The following DLGAP2 variants were observed in gnomAD, a reference collection of about 807,000 sequenced individuals.
The protein encoded by DLGAP2 is DLG associated protein 2.
In DLGAP2, 26 loss-of-function variants were observed where a neutral mutation model predicts 100.3. That is an observed-to-expected ratio of 0.26 (90% CI 0.19 to 0.36). The LOEUF (loss-of-function observed/expected upper bound fraction) is 0.36, where lower values mean the gene tolerates loss of function less well. DLGAP2 is among the 10% of genes least tolerant of loss of function. The pLI is 1.00. For missense variants in DLGAP2, 1,858 were observed against 1,453.2 expected (o/e 1.28, Z -4.53); for synonymous variants, 886 against 630.1 (o/e 1.41, Z -6.08).
intron 3 of DLGAP2, among the ~76,000 whole-genome samples, chr8:1,498,278 G>C (rs968212607): frequency 1.3e-5 from 2 of 152,036 alleles, no homozygotes; most frequent in African/African-American, 4.8e-5. Context: ...TTTCTTATCA[G>C]AGTCAATTCT....
intron 3 of DLGAP2, among the ~76,000 whole-genome samples, chr8:1,460,188 A>AAT (rs1798433884): frequency 6.6e-6 from 1 of 152,160 alleles, no homozygotes; most frequent in Non-Finnish European, 1.5e-5. Context: ...TAAGCCTAAG[A>AAT]ATTGAGCCTG....
rs115064025 is a variant in DLGAP2, at chr8:1,374,694, A to G, written c.106+115811A>G. On this transcript the variant is annotated intron_variant, in intron 3 of 14. Transcript: ENST00000637795. ...AGTCGTTTGGATTCTGTAATTATTC[A>G]TCCTTTTTGACTTTGTTTTACTTTG... is the stretch of plus-strand genomic sequence containing the variant. Among the ~76,000 whole-genome samples the G allele has an allele frequency of 6.0e-3, 916 of 152,280 alleles. 10 individuals are homozygous for G. Among genetic ancestry groups the G allele is most frequent in the African/African-American group, 0.02 (836 of 41,548 alleles).
At chr8:1,134,877 C>G (rs1179264143) in intron 2 of DLGAP2, among the ~76,000 whole-genome samples, 5 of 152,148 alleles carry the variant, frequency 3.3e-5, no homozygotes, top group Non-Finnish European at 5.9e-5. Flanking sequence ...GGAGACCTCC[C>G]TCCGTGATCC....
intron 1 of DLGAP2, among the ~76,000 whole-genome samples, chr8:823,735 C>G (rs1309095727): frequency 6.6e-6 from 1 of 152,084 alleles, no homozygotes; most frequent in African/African-American, 2.4e-5. Flanking sequence ...GTCGTTTTGT[C>G]TTGCACTTTG....
intron 2 of DLGAP2, among the ~76,000 whole-genome samples, chr8:1,218,823 C>T (rs1195380204): frequency 1.3e-5 from 2 of 152,088 alleles, no homozygotes; most frequent in African/African-American, 2.4e-5. Flanking sequence ...TTGTAATTCT[C>T]ATTGTAGAGA....
chr8:1,147,023 GAAC>G (rs200684121), intron 2 of DLGAP2, among the ~76,000 whole-genome samples: 3,925 of 152,228 alleles, frequency 0.026, 66 homozygotes, highest in Middle Eastern at 0.044. Context: ...AGTTTTTAAA[GAAC>G]AACTCATTGG....
chr8:1,373,860 A>G (rs1802316285), intron 3 of DLGAP2: 1 of 152,288 alleles, frequency 6.6e-6, no homozygotes, highest in Non-Finnish European at 1.5e-5. Flanking sequence ...ACAGACCCGC[A>G]GAGAATGCTC....
intron 3 of DLGAP2, among the ~76,000 whole-genome samples, chr8:1,482,307 C>G (rs1431254695): frequency 1.3e-5 from 2 of 152,196 alleles, no homozygotes; most frequent in Non-Finnish European, 1.5e-5. Context: ...AGGACAGCAC[C>G]GTGGTCAACG....
At chr8:1,194,247 G>A (rs1329706052) in intron 2 of DLGAP2, among the ~76,000 whole-genome samples, 2 of 152,154 alleles carry the variant, frequency 1.3e-5, no homozygotes, top group Non-Finnish European at 2.9e-5. Flanking sequence ...CTGCTGGCAA[G>A]TTGGAAACAC....
chr8:1,633,085 T>G, intron 8 of DLGAP2, 39 bp downstream of exon 8: 1 of 1,603,800 alleles, frequency 6.2e-7, no homozygotes, highest in Non-Finnish European at 8.5e-7. Context: ...GCGGGGACTC[T>G]AGAGGCATAC....
intron 2 of DLGAP2, among the ~76,000 whole-genome samples, chr8:1,153,155 C>T (rs1796724666): frequency 6.6e-6 from 1 of 152,190 alleles, no homozygotes; most frequent in African/African-American, 2.4e-5. Flanking sequence ...CTGCAAAGGG[C>T]CTGACCCCTC....
chr8:1,666,030 G>C (rs1798535907), intron 8 of DLGAP2, among the ~76,000 whole-genome samples: 1 of 152,172 alleles, frequency 6.6e-6, no homozygotes, highest in Non-Finnish European at 1.5e-5. Context: ...CCTCATCCCT[G>C]CCAAGGTGAG....
chr8:1,355,308 G>C (rs1264444710), intron 3 of DLGAP2, among the ~76,000 whole-genome samples: 1 of 152,234 alleles, frequency 6.6e-6, no homozygotes, highest in African/African-American at 2.4e-5. Context: ...GTCTCTGGGT[G>C]GTGAGATTGT....
intron 2 of DLGAP2, among the ~76,000 whole-genome samples, chr8:923,691 G>A (rs1402143593): frequency 6.6e-6 from 1 of 152,206 alleles, no homozygotes; most frequent in Non-Finnish European, 1.5e-5. Context: ...CAGTGGAAGC[G>A]TTTAATTTGA....
intron 3 of DLGAP2, among the ~76,000 whole-genome samples, chr8:1,454,862 G>T (rs746965954): frequency 1.3e-5 from 2 of 152,134 alleles, no homozygotes; most frequent in Non-Finnish European, 2.9e-5. Context: ...AGGGCCTTTG[G>T]TGGTCCTGTG....
intron 2 of DLGAP2, among the ~76,000 whole-genome samples, chr8:1,139,146 G>C (rs1445662297): frequency 6.6e-6 from 1 of 152,196 alleles, no homozygotes; most frequent in Non-Finnish European, 1.5e-5. Context: ...CGGCCTGGCT[G>C]GGGGGATGTG....
At chr8:810,975 C>T (rs1471106200) in intron 1 of DLGAP2, among the ~76,000 whole-genome samples, 4 of 152,176 alleles carry the variant, frequency 2.6e-5, no homozygotes, top group East Asian at 1.9e-4. Context: ...GAGCGTACGG[C>T]GGGGTGAACT....
chr8:1,646,756 G>T (rs939312386), intron 8 of DLGAP2, among the ~76,000 whole-genome samples: 1 of 152,224 alleles, frequency 6.6e-6, no homozygotes, highest in African/African-American at 2.4e-5. Context: ...GGCTGGCACT[G>T]CTGGGACAGG....
At chr8:1,567,992 C>G (rs772669979) in intron 6 of DLGAP2, among the ~76,000 whole-genome samples, 7 of 152,142 alleles carry the variant, frequency 4.6e-5, no homozygotes, top group African/African-American at 7.2e-5. Context: ...CACAAATCCA[C>G]TCTGCCCGTG....
Sources: allele counts gnomAD v4.1 joint callset (sites outside exome capture counted in the v4.1 genomes callset), GRCh38; gene constraint gnomAD v4.1.1; transcripts MANE v1.5; gene names NCBI Gene and HGNC (gene_info 2026-07-23, HGNC 2026-07-21).